Variants in SAMD4A observed in about 807,000 individuals in gnomAD.
The protein encoded by SAMD4A is sterile alpha motif domain containing 4A, also known as protein Smaug homolog 1.
A neutral mutation model predicts 81.3 loss-of-function variants in SAMD4A; 33 were observed. That is an observed-to-expected ratio of 0.41 (90% CI 0.31 to 0.54). The LOEUF (loss-of-function observed/expected upper bound fraction) is 0.54. SAMD4A is among the 20% of genes least tolerant of loss of function. SAMD4A has a pLI of 0.37. For missense variants in SAMD4A, 854 were observed against 951.1 expected, an observed-to-expected ratio of 0.90 and a Z score of 1.34; for synonymous variants, 389 against 382.1, an observed-to-expected ratio of 1.02 and a Z score of -0.21.
At position 54,737,205 on chromosome 14, in the gene SAMD4A, T is replaced by C. The variant is rs375661310; in HGVS notation, c.897T>C (p.Ser299=). 9.9e-6 allele frequency: 16 copies of C among 1,614,034 alleles called. No homozygotes were observed. The highest frequency in any genetic ancestry group is 1.4e-5 in the Non-Finnish European group (16 of 1,179,976). ...APLSPQSSVA[S]SGSGGSEHLE... is the part of the protein sequence containing the mutation. ...TGTCTCCACAAAGCAGTGTAGCCTC[T>C]TCAGGAAGTGGTGGGAGTGAACACT... The change falls in exon 4 of 13, where the codon TCT becomes TCC. Residue 299 remains serine (S), a synonymous_variant. Coordinates refer to ENST00000554335, the MANE Select transcript of SAMD4A (RefSeq NM_015589.6).
intron 2 of SAMD4A, among the ~76,000 whole-genome samples, chr14:54,588,796 A>T (rs1005191288): frequency 1.3e-5 from 2 of 152,010 alleles, no homozygotes; most frequent in Admixed American, 6.6e-5. Flanking sequence ...ACTCTTTGTC[A>T]TATATATGGA....
chr14:54,687,040 G>T, intron 2 of SAMD4A, among the ~76,000 whole-genome samples: 1 of 152,116 alleles, frequency 6.6e-6, no homozygotes. Flanking sequence ...CTGTGATAGG[G>T]GTTATACATC....
chr14:54,757,763 G>A (rs1045650456), intron 6 of SAMD4A, among the ~76,000 whole-genome samples: 1 of 152,164 alleles, frequency 6.6e-6, no homozygotes, highest in Non-Finnish European at 1.5e-5. Flanking sequence ...TTAGTCAGGG[G>A]CTGGACAAGG....
chr14:54,581,992 G>A (rs1202668), intron 2 of SAMD4A, among the ~76,000 whole-genome samples: 69,177 of 152,036 alleles, frequency 0.46, 15,969 homozygotes, highest in East Asian at 0.55. Context: ...TTTTAACAAA[G>A]CCTCCCTATT....
At chr14:54,682,457 C>A (rs1225790582) in intron 2 of SAMD4A, among the ~76,000 whole-genome samples, 2 of 152,220 alleles carry the variant, frequency 1.3e-5, no homozygotes, top group Admixed American at 1.3e-4. Context: ...CCCAAACTCT[C>A]AACCAGTGCC....
At chr14:54,570,018 G>A (rs1327778732) in intron 2 of SAMD4A, among the ~76,000 whole-genome samples, 1 of 151,932 alleles carries the variant, frequency 6.6e-6, no homozygotes, top group African/African-American at 2.4e-5. Context: ...AGACATGTTT[G>A]GCCATACTTA....
chr14:54,753,634 T>C (rs909938580), intron 6 of SAMD4A, among the ~76,000 whole-genome samples: 3 of 126,862 alleles, frequency 2.4e-5, no homozygotes, highest in Non-Finnish European at 3.4e-5. Context: ...ATATAGACTA[T>C]ATAAAGTTAT....
chr14:54,775,289 C>T (rs886222629), intron 10 of SAMD4A, among the ~76,000 whole-genome samples, 154 bp downstream of exon 10: 6 of 152,184 alleles, frequency 3.9e-5, no homozygotes, highest in Admixed American at 6.5e-5. Flanking sequence ...GCATTGTTCG[C>T]GTTGTTCTCT....
intron 3 of SAMD4A, among the ~76,000 whole-genome samples, chr14:54,721,566 A>G (rs2037262834): frequency 1.3e-5 from 2 of 152,158 alleles, no homozygotes; most frequent in Admixed American, 1.3e-4. Context: ...CTCATTATCA[A>G]TAGGATGTTG....
intron 10 of SAMD4A, among the ~76,000 whole-genome samples, chr14:54,775,765 G>A (rs2181048): frequency 0.27 from 40,334 of 151,886 alleles, 6,186 homozygotes; most frequent in East Asian, 0.52. Flanking sequence ...TAGGTCTGAG[G>A]TTCTGGGGTC....
At chr14:54,625,268 T>C (rs2034717483) in intron 2 of SAMD4A, among the ~76,000 whole-genome samples, 1 of 152,246 alleles carries the variant, frequency 6.6e-6, no homozygotes, top group South Asian at 2.1e-4. Context: ...GTTGGAGTAA[T>C]GGGCTTTCCT....
At chr14:54,626,069 C>CGT (rs1566554555) in intron 2 of SAMD4A, among the ~76,000 whole-genome samples, 1 of 110,786 alleles carries the variant, frequency 9.0e-6, no homozygotes, top group East Asian at 2.0e-4. Context: ...TGCGCGCGCG[C>CGT]GCGCGCGAGT....
chr14:54,596,304 G>A (rs2033908835), intron 2 of SAMD4A, among the ~76,000 whole-genome samples: 2 of 152,206 alleles, frequency 1.3e-5, no homozygotes, highest in Admixed American at 1.3e-4. Flanking sequence ...AAGGAAAGGG[G>A]CCGGGCGCAG....
chr14:54,688,931 C>CTTTTTTTTTTTTTTTT, intron 2 of SAMD4A, among the ~76,000 whole-genome samples: 1 of 116,094 alleles, frequency 8.6e-6, no homozygotes, highest in Non-Finnish European at 1.8e-5. Context: ...AGTCGTAATT[C>CTTTTTTTTTTTTTTTT]TTTTTTTTTT....
intron 2 of SAMD4A, among the ~76,000 whole-genome samples, chr14:54,676,404 G>A (rs1318819778): frequency 1.3e-5 from 2 of 151,924 alleles, no homozygotes; most frequent in Non-Finnish European, 2.9e-5. Context: ...ACAGAGTCTT[G>A]CTCTATCACC....
intron 2 of SAMD4A, among the ~76,000 whole-genome samples, chr14:54,603,544 G>GGCTAATTTTTGTATTT: frequency 6.6e-6 from 1 of 152,206 alleles, no homozygotes; most frequent in East Asian, 1.9e-4. Flanking sequence ...CACCATGCCC[G>GGCTAATTTTTGTATTT]TTAGCCTGTG....
chr14:54,680,056 AGATC>A (rs925848822), intron 2 of SAMD4A, among the ~76,000 whole-genome samples: 7 of 152,240 alleles, frequency 4.6e-5, no homozygotes, highest in Admixed American at 1.3e-4. Flanking sequence ...CCTTATCTTC[AGATC>A]ATGGGTGGCT....
intron 2 of SAMD4A, among the ~76,000 whole-genome samples, chr14:54,630,497 A>G (rs761531964): frequency 2.0e-4 from 31 of 152,186 alleles, no homozygotes; most frequent in Non-Finnish European, 3.7e-4. Context: ...AGAAATGTTC[A>G]TTCAGGTCCT....
chr14:54,747,946 T>A (rs1270135188), intron 4 of SAMD4A, among the ~76,000 whole-genome samples: 1 of 152,228 alleles, frequency 6.6e-6, no homozygotes, highest in East Asian at 1.9e-4. Context: ...AGGTAATAGT[T>A]CTCCTGTGGA....
Sources: gnomAD v4.1 joint callset for allele counts (sites outside exome capture counted in the v4.1 genomes callset) on GRCh38, gnomAD v4.1.1 for gene constraint, MANE v1.5 for transcripts, NCBI Gene and HGNC (gene_info 2026-07-23, HGNC 2026-07-21) for gene names.